Variants in ADAM20 observed in about 807,000 individuals in gnomAD.
ADAM20 encodes ADAM metallopeptidase domain 20, also known as disintegrin and metalloproteinase domain-containing protein 20.
For synonymous variants in ADAM20, 305 were observed against 310.2 expected (o/e 0.98, Z 0.18); for missense variants, 871 against 883.2 (o/e 0.99, Z 0.18).
chr14:70,526,718 G>C (rs1304235270), intron 1 of ADAM20, among the ~76,000 whole-genome samples: 6 of 152,152 alleles, frequency 3.9e-5, no homozygotes, highest in Admixed American at 3.9e-4. Flanking sequence ...TTAATTTTGT[G>C]AACGGGTGTA....
chr14:70,576,560 A>G, the ADAM20 span, among the ~76,000 whole-genome samples: 1 of 152,188 alleles, frequency 6.6e-6, no homozygotes, highest in Admixed American at 6.5e-5. Context: ...TCATTCATTC[A>G]TTCATGTACT....
At chr14:70,570,961 A>G in the ADAM20 span, among the ~76,000 whole-genome samples, 1 of 152,190 alleles carries the variant, frequency 6.6e-6, no homozygotes, top group Non-Finnish European at 1.5e-5. Context: ...CAATATACAC[A>G]AATCAATATT....
chr14:70,537,416 A>G (rs867725673), upstream of ADAM20, among the ~76,000 whole-genome samples: 1 of 152,104 alleles, frequency 6.6e-6, no homozygotes, highest in Non-Finnish European at 1.5e-5. Flanking sequence ...GCTGATTCCA[A>G]CCGCAACATC....
At chr14:70,562,106 G>T in the ADAM20 span, among the ~76,000 whole-genome samples, 641 of 152,376 alleles carry the variant, frequency 4.2e-3, 6 homozygotes, top group Middle Eastern at 0.044. Context: ...AAAAGCAGCT[G>T]GGAGGAGGGC....
the ADAM20 span, among the ~76,000 whole-genome samples, chr14:70,553,751 TA>T: frequency 0.3 from 42,933 of 142,598 alleles, 8,116 homozygotes; most frequent in East Asian, 0.57. Context: ...CCCTTCATGA[TA>T]AAAAAAAAAA....
the ADAM20 span, among the ~76,000 whole-genome samples, chr14:70,563,247 C>T: frequency 1.3e-5 from 2 of 152,078 alleles, no homozygotes; most frequent in African/African-American, 4.8e-5. Flanking sequence ...TCATTACAAC[C>T]TCACGACTGG....
chr14:70,554,919 C>G, the ADAM20 span, among the ~76,000 whole-genome samples: 13 of 152,164 alleles, frequency 8.5e-5, no homozygotes, highest in Non-Finnish European at 1.8e-4. Flanking sequence ...GGAGAGGGCC[C>G]GAGCATGGGG....
At chr14:70,557,430 T>C in the ADAM20 span, 1 of 152,222 alleles carries the variant, frequency 6.6e-6, no homozygotes, top group Non-Finnish European at 1.5e-5. Context: ...GGTAGTCTCC[T>C]TCCCCAACTA....
chr14:70,525,032 A>G lies in ADAM20; in HGVS notation c.-176-99T>C. On this transcript the variant is annotated intron_variant, in intron 1 of 1. Coordinates refer to ENST00000256389, the MANE Select transcript of ADAM20 (RefSeq NM_003814.5). ...GCATTTGGACCATATTTGAAGCAAT[A>G]AAATGCATTAGGATTCTCTTAATAC... The G allele has an allele frequency of 6.7e-6, 7 of 1,043,558 alleles. No homozygotes were observed. In the South Asian group the frequency reaches 9.9e-5, roughly 15 times the overall value. The allele number at this position is 1,043,558 out of a possible 1,614,324, so 64.6% of individuals were successfully genotyped here. A position where few individuals can be genotyped will look rare whatever the true frequency, so the allele number is the denominator to read the frequency against.
the ADAM20 span, among the ~76,000 whole-genome samples, chr14:70,568,884 G>A: frequency 9.3e-3 from 1,414 of 152,100 alleles, 26 homozygotes; most frequent in African/African-American, 0.032. Context: ...ACATATTTGA[G>A]GAAATAATTC....
chr14:70,567,495 A>C, the ADAM20 span, among the ~76,000 whole-genome samples: 1 of 152,142 alleles, frequency 6.6e-6, no homozygotes, highest in South Asian at 2.1e-4. Context: ...GACATCTCCC[A>C]CCCATCCAAT....
chr14:70,553,791 T>G, the ADAM20 span, among the ~76,000 whole-genome samples: 1 of 150,666 alleles, frequency 6.6e-6, no homozygotes, highest in East Asian at 1.9e-4. Context: ...TACCTCAACA[T>G]AAAAAAAGCC....
rs182264263 is a variant in ADAM20, at chr14:70,530,064, C to A, written c.-177+4733G>T. Among the ~76,000 whole-genome samples, 423 of 152,226 alleles carry A rather than the reference C, an allele frequency of 2.8e-3. 1 individual carries two copies. The highest frequency in any genetic ancestry group is 9.9e-3 in the African/African-American group (413 of 41,530). Reference sequence around the variant, plus strand: ...TTGGGAGGCCAAGGCGGGTGGATCACGAGGTCAGGAGTTTGAAACCAGCCT... The same window carrying A: ...TTGGGAGGCCAAGGCGGGTGGATCAAGAGGTCAGGAGTTTGAAACCAGCCT... On this transcript the variant is annotated intron_variant, in intron 1 of 1. Coordinates refer to ENST00000256389, the MANE Select transcript of ADAM20 (RefSeq NM_003814.5).
chr14:70,527,414 A>C (rs1883613323), intron 1 of ADAM20, among the ~76,000 whole-genome samples: 1 of 152,096 alleles, frequency 6.6e-6, no homozygotes, highest in African/African-American at 2.4e-5. Flanking sequence ...TTTCCAGTAC[A>C]TGAACATACT....
chr14:70,529,154 C>T (rs1883655533), intron 1 of ADAM20, among the ~76,000 whole-genome samples: 1 of 152,140 alleles, frequency 6.6e-6, no homozygotes, highest in Non-Finnish European at 1.5e-5. Context: ...ATTTAAGAAA[C>T]TGACTTGAAC....
At chr14:70,579,112 G>A in the ADAM20 span, among the ~76,000 whole-genome samples, 3 of 152,090 alleles carry the variant, frequency 2.0e-5, no homozygotes, top group African/African-American at 2.4e-5. Context: ...CTGATTCCAT[G>A]TCTTTGCTGT....
At chr14:70,525,655 T>A (rs993048053) in intron 1 of ADAM20, among the ~76,000 whole-genome samples, 2 of 152,186 alleles carry the variant, frequency 1.3e-5, no homozygotes, top group African/African-American at 4.8e-5. Flanking sequence ...CCTTTATTCA[T>A]GTAGTTTGCT....
chr14:70,566,026 G>A, the ADAM20 span, among the ~76,000 whole-genome samples: 1 of 151,860 alleles, frequency 6.6e-6, no homozygotes, highest in East Asian at 1.9e-4. Flanking sequence ...AAAAGCTGAG[G>A]AAGTTCATCA....
chr14:70,535,648 T>C (rs1012427406), upstream of ADAM20, among the ~76,000 whole-genome samples: 3 of 152,202 alleles, frequency 2.0e-5, no homozygotes, highest in Admixed American at 2.0e-4. Flanking sequence ...CCACCCCTTA[T>C]TGGCTCTAGA....
Sources: allele counts gnomAD v4.1 joint callset (sites outside exome capture counted in the v4.1 genomes callset), GRCh38; gene constraint gnomAD v4.1.1; transcripts MANE v1.5; gene names NCBI Gene and HGNC (gene_info 2026-07-23, HGNC 2026-07-21).